TUT7: variants seen among roughly 807,000 people sequenced by gnomAD.
The protein encoded by TUT7 is terminal uridylyl transferase 7.
A neutral mutation model predicts 165.9 loss-of-function variants in TUT7; 33 were observed. The ratio of observed to expected loss-of-function variants is 0.20; its 90% confidence interval spans 0.15 to 0.27. The LOEUF (loss-of-function observed/expected upper bound fraction) is 0.27. Ranked by LOEUF, TUT7 falls within the 10% of genes least tolerant of loss-of-function variation. The pLI is 1.00. For missense variants in TUT7, 1,338 were observed against 1,762.3 expected, an observed-to-expected ratio of 0.76 and a Z score of 4.31; for synonymous variants, 552 against 608.1, an observed-to-expected ratio of 0.91 and a Z score of 1.36.
At chr9:86,350,852 G>T (rs1479482918) in intron 2 of TUT7, among the ~76,000 whole-genome samples, 4 of 152,112 alleles carry the variant, frequency 2.6e-5, no homozygotes, top group Non-Finnish European at 5.9e-5. Flanking sequence ...ATATCTGAGG[G>T]CCAGGCGCGG....
intron 10 of TUT7, among the ~76,000 whole-genome samples, chr9:86,331,633 G>C (rs1830323261): frequency 6.6e-6 from 1 of 152,128 alleles, no homozygotes; most frequent in South Asian, 2.1e-4. Flanking sequence ...AATCTCATCT[G>C]ATATTAACAT....
intron 10 of TUT7, among the ~76,000 whole-genome samples, chr9:86,336,628 A>G (rs1272260043): frequency 6.6e-6 from 1 of 152,234 alleles, no homozygotes; most frequent in Admixed American, 6.5e-5. Context: ...ACTTGTGTGC[A>G]TTAAGAAAAG....
chr9:86,298,868 G>GA (rs1482329072), intron 26 of TUT7: 17 of 948,522 alleles, frequency 1.8e-5, no homozygotes, highest in Non-Finnish European at 2.1e-5. Context: ...AAATCGAAAG[G>GA]AAGAGCATCT....
Position 86,323,623 on chromosome 9 carries a change from T to C in TUT7, c.2127A>G (p.Lys709=), listed in dbSNP as rs1263435932. ...ETAESFGSPP[K]EEMGNEHISV... is the part of the protein sequence containing the mutation. ...TGATGTGTTCATTTCCCATTTCTTC[T>C]TTTGGTGGGCTTCCAAAACTTTCAG... The change falls in exon 13 of 27, where the codon AAA becomes AAG. Residue 709 remains lysine, a synonymous_variant. Transcript: ENST00000375963. 6.2e-7 allele frequency: 1 copy of C among 1,614,222 alleles called. No homozygotes were observed. Among genetic ancestry groups the C allele is most frequent in the Non-Finnish European group, 8.5e-7 (1 of 1,180,044 alleles).
chr9:86,347,441 C>T (rs1831872547), intron 2 of TUT7, among the ~76,000 whole-genome samples: 1 of 152,044 alleles, frequency 6.6e-6, no homozygotes. Context: ...AAACATAAAC[C>T]TACTGAAAAG....
chr9:86,350,521 G>A (rs967707219), intron 2 of TUT7, among the ~76,000 whole-genome samples: 13 of 152,230 alleles, frequency 8.5e-5, no homozygotes, highest in African/African-American at 2.7e-4. Context: ...CGGCTCCGCC[G>A]TCAGGATTTC....
At chr9:86,326,695 C>G (rs1179808435) in intron 11 of TUT7, among the ~76,000 whole-genome samples, 1 of 152,172 alleles carries the variant, frequency 6.6e-6, no homozygotes, top group Non-Finnish European at 1.5e-5. Flanking sequence ...AGAGAAGGAA[C>G]TGAAGCCCCA....
chr9:86,318,891 TA>T, intron 16 of TUT7, 66 bp downstream of exon 16: 1 of 1,279,534 alleles, frequency 7.8e-7, no homozygotes, highest in Non-Finnish European at 1.1e-6. Context: ...TACCAAGCTG[TA>T]ATGCCAGTCT....
intron 18 of TUT7, 127 bp from the exon 19 acceptor site, chr9:86,310,144 C>T: frequency 1.4e-6 from 1 of 730,522 alleles, no homozygotes; most frequent in South Asian, 2.0e-5. Context: ...GTCATGAACT[C>T]CTGGGCTCAA....
chr9:86,308,403 G>C (rs781236021), intron 22 of TUT7, 26 bp downstream of exon 22: 1 of 1,594,208 alleles, frequency 6.3e-7, no homozygotes, highest in Non-Finnish European at 8.6e-7. Flanking sequence ...TAGTCTATTC[G>C]ACTTCAAGTT....
chr9:86,327,620 G>A (rs545081230), intron 11 of TUT7, among the ~76,000 whole-genome samples: 5 of 152,324 alleles, frequency 3.3e-5, no homozygotes, highest in African/African-American at 1.2e-4. Flanking sequence ...CAGAGGTAGG[G>A]TGGTACCACC....
At chr9:86,328,205 G>A (rs1446170724) in intron 11 of TUT7, 135 bp downstream of exon 11, 13 of 736,946 alleles carry the variant, frequency 1.8e-5, no homozygotes, top group East Asian at 1.2e-4. Context: ...TTGTCTGTTC[G>A]AGGTACTAAA....
At chr9:86,292,606 T>C (rs1346716710) in intron 26 of TUT7, among the ~76,000 whole-genome samples, 1 of 148,544 alleles carries the variant, frequency 6.7e-6, no homozygotes, top group African/African-American at 2.5e-5. Context: ...AGGTCTTTTA[T>C]TAAAAAAAAA....
chr9:86,344,745 A>G (rs907042495), intron 5 of TUT7: 2 of 487,640 alleles, frequency 4.1e-6, no homozygotes, highest in African/African-American at 4.0e-5. Flanking sequence ...ATTCAACTTA[A>G]AGTTCACACA....
chr9:86,344,967 T>C lies in TUT7; in HGVS notation c.997+10A>G, dbSNP rs1831629696. Reference sequence around the variant, plus strand: ...AGGTAGTTAAATAGAAAAACAAATCTAGAAAATACCTGGTAACTTGTGTTG... The same window carrying C: ...AGGTAGTTAAATAGAAAAACAAATCCAGAAAATACCTGGTAACTTGTGTTG... On this transcript the variant is annotated intron_variant, in intron 5 of 26. Coordinates refer to ENST00000375963, the MANE Select transcript of TUT7 (RefSeq NM_024617.4). The C allele has an allele frequency of 2.5e-6, 4 of 1,598,310 alleles. No individual in the cohort carries two copies. In the East Asian group the frequency reaches 6.9e-5, roughly 27 times the overall value.
Position 86,323,516 on chromosome 9 carries a change from T to C in TUT7, c.2234A>G (p.Glu745Gly), listed in dbSNP as rs773140978. The C allele has an allele frequency of 6.2e-7, 1 of 1,614,228 alleles. No individual in the cohort carries two copies. Among genetic ancestry groups the C allele is most frequent in the South Asian group, 1.1e-5 (1 of 91,084 alleles). Residue 745 changes from glutamate (E) to glycine (G), a missense_variant, in exon 13 of 27, where the codon GAA becomes GGA. Glu to Gly is a moderately conservative substitution (Grantham distance 98, BLOSUM62 -2). Around this residue, in one of 7 missense-constraint regions of TUT7, gnomAD observed 425 missense variants for 474.9 expected, o/e 0.89. Coordinates refer to ENST00000375963, the MANE Select transcript of TUT7 (RefSeq NM_024617.4). The stretch of plus-strand genomic sequence containing the variant: ...CTCTTTCTCGTTTTTCCTTCCTGTT[T>C]CTGGATGGTATACTTTATCACCCTT... ...DYKGDKVYHP[E>G]TGRKNEKEKV...
Position 86,351,132 on chromosome 9 carries a change from C to CAA in TUT7, c.520+1546_520+1547dup, listed in dbSNP as rs35968773. On this transcript the variant is annotated intron_variant, in intron 2 of 26. Transcript: ENST00000375963. ...CCTGGGTGACACAGTGAGACTGTCT[C>CAA]AAAAAAAAAAAAAAAAAATCAGGCT... 9.6e-3 allele frequency among the ~76,000 whole-genome samples: 1,162 copies of CAA among 120,454 alleles called. 24 individuals are homozygous for CAA. The highest frequency in any genetic ancestry group is 0.035 in the African/African-American group (1,087 of 31,418). The allele number at this position is 120,454 out of a possible 152,430, so 79.0% of individuals were successfully genotyped here. A position where few individuals can be genotyped will look rare whatever the true frequency, so the allele number is the denominator to read the frequency against.
intron 22 of TUT7, among the ~76,000 whole-genome samples, chr9:86,307,651 A>C (rs186831777): frequency 6.8e-4 from 103 of 152,354 alleles, no homozygotes; most frequent in African/African-American, 2.4e-3. Context: ...GGAAATAAAC[A>C]ATCAACTATT....
intron 9 of TUT7, among the ~76,000 whole-genome samples, 159 bp downstream of exon 9, chr9:86,338,640 GTTAAAGTGAAACAGAAACACTGAA>G (rs1831052461): frequency 6.6e-6 from 1 of 152,112 alleles, no homozygotes; most frequent in South Asian, 2.1e-4. Context: ...GAGCAATACC[GTTAAAGTGAAACAGAAACACTGAA>G]TCTTCCGTCT....
Sources: allele counts gnomAD v4.1 joint callset (sites outside exome capture counted in the v4.1 genomes callset), GRCh38; gene constraint gnomAD v4.1.1; regional missense constraint gnomAD v4.1.1; transcripts MANE v1.5; gene names NCBI Gene and HGNC (gene_info 2026-07-23, HGNC 2026-07-21).